Variants in GPC5 observed in about 807,000 individuals in gnomAD.
The protein encoded by GPC5 is glypican-5.
Under a neutral mutation model 53.9 loss-of-function variants are expected in GPC5, and 47 were observed. The observed-to-expected ratio is 0.87, with a 90% CI of 0.69 to 1.11. The LOEUF (loss-of-function observed/expected upper bound fraction) is 1.11, where lower values mean the gene tolerates loss of function less well. Among genes scored for constraint, GPC5 ranks in the 50% most tolerant of loss-of-function variants. GPC5 has a pLI of 0.00. For synonymous variants in GPC5, 286 were observed against 263.3 expected (o/e 1.09, Z -0.84); for missense variants, 748 against 713.1 (o/e 1.05, Z -0.56).
At chr13:91,880,050 G>T (rs1724858761) in intron 5 of GPC5, among the ~76,000 whole-genome samples, 1 of 151,776 alleles carries the variant, frequency 6.6e-6, no homozygotes, top group South Asian at 2.1e-4. Flanking sequence ...CATAGTTTTG[G>T]GTCCATTTTA....
At chr13:91,844,819 A>C (rs1382808269) in intron 5 of GPC5, among the ~76,000 whole-genome samples, 1 of 151,900 alleles carries the variant, frequency 6.6e-6, no homozygotes, top group Non-Finnish European at 1.5e-5. Context: ...TCCACCTCCC[A>C]GGTTCAAGCG....
intron 2 of GPC5, among the ~76,000 whole-genome samples, chr13:91,592,944 A>G (rs2032857353): frequency 6.6e-6 from 1 of 152,096 alleles, no homozygotes; most frequent in Non-Finnish European, 1.5e-5. Flanking sequence ...TCTCAGAGGG[A>G]GATGGGGACC....
At chr13:92,270,891 A>G (rs1015949553) in intron 7 of GPC5, among the ~76,000 whole-genome samples, 1 of 152,178 alleles carries the variant, frequency 6.6e-6, no homozygotes, top group Non-Finnish European at 1.5e-5. Flanking sequence ...TATATAATAC[A>G]TAATCTTGCT....
chr13:92,486,586 A>G (rs924750475), intron 7 of GPC5, among the ~76,000 whole-genome samples: 1 of 152,212 alleles, frequency 6.6e-6, no homozygotes, highest in Non-Finnish European at 1.5e-5. Flanking sequence ...TCTAACACTC[A>G]TATCAACTTT....
chr13:92,145,102 TTGGAAA>T, intron 7 of GPC5, 113 bp downstream of exon 7: 1 of 989,250 alleles, frequency 1.0e-6, no homozygotes, highest in Non-Finnish European at 1.3e-6. Flanking sequence ...GCAAGAGGAA[TTGGAAA>T]TGGAAATGAA....
chr13:91,573,944 A>G lies in GPC5; in HGVS notation c.326-119243A>G, dbSNP rs151090271. Among the ~76,000 whole-genome samples the G allele has an allele frequency of 6.3e-3, 960 of 152,200 alleles. 8 individuals are homozygous for G. Among genetic ancestry groups the G allele is most frequent in the African/African-American group, 0.022 (925 of 41,518 alleles). On this transcript the variant is annotated intron_variant, in intron 2 of 7. Transcript: ENST00000377067. ...TCTATCTATGTCTATACCTGTATCT[A>G]TTTCTAGTTTGTCACTACATCCTGC...
Position 91,698,216 on chromosome 13 carries a change from A to G in GPC5, c.1020+4335A>G, listed in dbSNP as rs541732926. ...AGTCCCATTCTATTTTTTCTTACAG[A>G]TAAGTTTTTCAGCTATTCTATCTAT... On this transcript the variant is annotated intron_variant, in intron 3 of 7. Transcript: ENST00000377067. Among the ~76,000 whole-genome samples the G allele has an allele frequency of 3.9e-5, 6 of 152,252 alleles. No individual in the cohort carries two copies. The East Asian group carries it at 7.7e-4, about 20-fold the overall frequency.
intron 2 of GPC5, among the ~76,000 whole-genome samples, chr13:91,642,600 A>G (rs1485698400): frequency 1.3e-5 from 2 of 152,018 alleles, no homozygotes; most frequent in Non-Finnish European, 2.9e-5. Flanking sequence ...GGTGACATGG[A>G]GGTGATTGTT....
chr13:92,702,267 A>G (rs1887776362), intron 7 of GPC5, among the ~76,000 whole-genome samples: 1 of 152,082 alleles, frequency 6.6e-6, no homozygotes, highest in Admixed American at 6.6e-5. Flanking sequence ...GTGGCTTTAA[A>G]TCCATATGCA....
chr13:91,525,950 T>C (rs1886067961), intron 2 of GPC5, among the ~76,000 whole-genome samples: 1 of 152,148 alleles, frequency 6.6e-6, no homozygotes, highest in Non-Finnish European at 1.5e-5. Context: ...CCACTACAGG[T>C]GTCAAAAGTT....
chr13:91,970,310 T>C (rs1380481224), intron 6 of GPC5, among the ~76,000 whole-genome samples: 1 of 152,070 alleles, frequency 6.6e-6, no homozygotes, highest in Non-Finnish European at 1.5e-5. Context: ...GGGGAGATAT[T>C]GGCAAAAAGA....
intron 7 of GPC5, among the ~76,000 whole-genome samples, chr13:92,388,516 C>T (rs1874848094): frequency 6.6e-6 from 1 of 152,062 alleles, no homozygotes; most frequent in Non-Finnish European, 1.5e-5. Context: ...CTGGTATTTG[C>T]TCCAGCCAAA....
intron 7 of GPC5, among the ~76,000 whole-genome samples, chr13:92,278,643 T>A (rs1260127954): frequency 1.3e-5 from 2 of 152,048 alleles, no homozygotes; most frequent in East Asian, 3.8e-4. Flanking sequence ...GTGATTTCTT[T>A]CAATAGTTTT....
intron 7 of GPC5, among the ~76,000 whole-genome samples, chr13:92,699,759 G>C (rs775936847): frequency 1.1e-4 from 16 of 152,126 alleles, no homozygotes; most frequent in Non-Finnish European, 1.5e-4. Flanking sequence ...TCTTAATCCT[G>C]AGTTCTAATT....
intron 3 of GPC5, among the ~76,000 whole-genome samples, chr13:91,722,409 G>A (rs1386207068): frequency 6.6e-6 from 1 of 152,138 alleles, no homozygotes; most frequent in Non-Finnish European, 1.5e-5. Context: ...TTTCCTTTAA[G>A]AGCCTGAACT....
intron 6 of GPC5, chr13:91,995,746 A>T (rs2040498059): frequency 6.6e-6 from 1 of 152,234 alleles, no homozygotes; most frequent in South Asian, 2.1e-4. Flanking sequence ...AAGTTAGCTC[A>T]TTTGAAATTA....
intron 2 of GPC5, among the ~76,000 whole-genome samples, chr13:91,641,636 C>A (rs1024882431): frequency 6.6e-6 from 1 of 152,216 alleles, no homozygotes; most frequent in African/African-American, 2.4e-5. Flanking sequence ...CATAAATATT[C>A]TCTTCTAAAG....
chr13:91,498,332 C>T (rs1036355867), intron 2 of GPC5, among the ~76,000 whole-genome samples: 2 of 150,524 alleles, frequency 1.3e-5, no homozygotes, highest in Admixed American at 6.7e-5. Flanking sequence ...TTCTGTTGCC[C>T]CCAGGAAATT....
In GPC5 at chr13:92,632,461, C is replaced by CATATATATATAT. The variant is rs1491296731; in HGVS notation, c.1562-233820_1562-233819insTATATATATATA. ...TATTCTTTTGGAGGAGAAAATATTC[C>CATATATATATAT]ACATATATATATATATATATATATA... On this transcript the variant is annotated intron_variant, in intron 7 of 7. Transcript: ENST00000377067. 2.5e-3 allele frequency among the ~76,000 whole-genome samples: 148 copies of CATATATATATAT among 58,086 alleles called. 2 individuals carry two copies. Among genetic ancestry groups the CATATATATATAT allele is most frequent in the African/African-American group, 4.9e-3 (138 of 27,992 alleles). The allele number at this position is 58,086 out of a possible 152,430, so 38.1% of individuals were successfully genotyped here.
Sources: gnomAD v4.1 joint callset for allele counts (sites outside exome capture counted in the v4.1 genomes callset) on GRCh38, gnomAD v4.1.1 for gene constraint, MANE v1.5 for transcripts, NCBI Gene and HGNC (gene_info 2026-07-23, HGNC 2026-07-21) for gene names.